DNAH3: variants seen among roughly 807,000 people sequenced by gnomAD.
DNAH3 encodes axonemal beta dynein heavy chain 3.
Under a neutral mutation model 432.5 loss-of-function variants are expected in DNAH3, and 332 were observed. That is an observed-to-expected ratio of 0.77 (90% CI 0.70 to 0.84). The LOEUF is 0.84. Ranked by LOEUF, DNAH3 falls within the 40% of genes least tolerant of loss-of-function variation. The pLI, the probability that DNAH3 is intolerant of heterozygous loss-of-function variation, is 0.00. For synonymous variants in DNAH3, 1,956 were observed against 1,900.2 expected, an observed-to-expected ratio of 1.03 and a Z score of -0.76; for missense variants, 4,861 against 5,114.0, an observed-to-expected ratio of 0.95 and a Z score of 1.51.
At chr16:21,152,561 G>A (rs1350045564) in intron 1 of DNAH3, among the ~76,000 whole-genome samples, 1 of 152,260 alleles carries the variant, frequency 6.6e-6, no homozygotes, top group African/African-American at 2.4e-5. Context: ...GGGCAAGGCC[G>A]AAGCCGGCTC....
rs528050319 is a variant in DNAH3 at position 21,100,925 on chromosome 16, CTATTAT to C, written c.2367-2162_2367-2157del. The stretch of plus-strand genomic sequence containing the variant: ...GCTCAGTGATTACCTTAAAATATTA[CTATTAT>C]TATTGTTTCTAATTTCTTATAATTG... On this transcript the variant is annotated intron_variant, in intron 16 of 61. Transcript: ENST00000261383. 1.1e-4 allele frequency among the ~76,000 whole-genome samples: 17 copies of C among 152,254 alleles called. No homozygotes were observed. The South Asian group carries it at 2.1e-3, about 19-fold the overall frequency.
At chr16:20,986,187 G>A (rs1163641129) in intron 47 of DNAH3, among the ~76,000 whole-genome samples, 1 of 150,808 alleles carries the variant, frequency 6.6e-6, no homozygotes, top group Non-Finnish European at 1.5e-5. Flanking sequence ...ATAATATGTG[G>A]ATTTCATGCT....
intron 1 of DNAH3, among the ~76,000 whole-genome samples, chr16:21,156,562 C>T (rs2092898783): frequency 1.3e-5 from 2 of 152,144 alleles, no homozygotes; most frequent in African/African-American, 4.8e-5. Context: ...TTTAGGAGGG[C>T]TTCACCTTCA....
chr16:20,980,260 T>TATTATAATATACATCA lies in DNAH3; in HGVS notation c.7860-715_7860-714insTGATGTATATTATAAT, dbSNP rs574543904. Among the ~76,000 whole-genome samples, 2 of 129,028 alleles carry TATTATAATATACATCA rather than the reference T, an allele frequency of 1.6e-5. 1 individual carries two copies. Among genetic ancestry groups the TATTATAATATACATCA allele is most frequent in the Non-Finnish European group, 3.3e-5 (2 of 60,332 alleles). The allele number at this position is 129,028 out of a possible 152,430, so 84.6% of individuals were successfully genotyped here. ...TTATATATATAATATACATCATATATTATATTATAATATACATCATATATT... is the reference window on the plus strand; with the variant it reads ...TTATATATATAATATACATCATATATATTATAATATACATCATATATTATAATATACATCATATATT... On this transcript the variant is annotated intron_variant, in intron 49 of 61. Transcript: ENST00000261383.
At position 21,104,665 on chromosome 16, in the gene DNAH3, TAGAC is replaced by T. The variant is rs1480255918; in HGVS notation, c.2285-117_2285-114del. 5.5e-5 allele frequency: 48 copies of T among 873,598 alleles called. No homozygotes were observed. In the East Asian group the frequency reaches 1.1e-3, roughly 20 times the overall value. 54.1% of individuals were successfully genotyped at this position (873,598 alleles called of 1,614,324 possible). ...TCGGGTCAGCATGTGGCGAATTAAT[TAGAC>T]AGAACAAGAGGTCAACAGGAGTGGT... On this transcript the variant is annotated intron_variant, in intron 15 of 61. Transcript: ENST00000261383.
intron 53 of DNAH3, among the ~76,000 whole-genome samples, chr16:20,961,171 A>T (rs1240747855): frequency 6.6e-6 from 1 of 152,224 alleles, no homozygotes; most frequent in East Asian, 1.9e-4. Context: ...TCTGTTACGA[A>T]CTGCATCGTG....
At chr16:20,979,456 G>T (rs2085753673) in exon 50 of DNAH3, 1 of 1,614,056 alleles carries the variant, frequency 6.2e-7, no homozygotes, top group Non-Finnish European at 8.5e-7. Context: ...AGGAGGTGGG[G>T]GTAACATAGT....
chr16:20,974,572 T>A (rs2085488642), intron 51 of DNAH3, among the ~76,000 whole-genome samples: 1 of 137,514 alleles, frequency 7.3e-6, no homozygotes, highest in African/African-American at 2.6e-5. Flanking sequence ...CCTGGCTGTT[T>A]TATAGTGTTT....
Position 21,062,547 on chromosome 16 carries a change from CCA to C in DNAH3, c.3653_3654del (p.Val1218GlyfsTer20), listed in dbSNP as rs1372186127. Reference sequence around the variant, plus strand: ...GTTTCTTTTTCCGAGCTGATCATGCCCACAATTTCCAGATTGTCTGTAAACTC... The same window carrying C: ...GTTTCTTTTTCCGAGCTGATCATGCCCAATTTCCAGATTGTCTGTAAACTC... On this transcript the variant is annotated frameshift_variant, in exon 25 of 62. Coordinates refer to ENST00000261383, the Ensembl canonical transcript of DNAH3. LOFTEE classifies it high-confidence loss of function. 6.2e-7 allele frequency: 1 copy of C among 1,614,138 alleles called. No homozygotes were observed. Among genetic ancestry groups the C allele is most frequent in the Non-Finnish European group, 8.5e-7 (1 of 1,180,028 alleles).
In DNAH3 at chr16:21,154,110, A is replaced by G; in HGVS notation, c.117+5215T>C. ...AGCAACTGTAATCCAATGAAGTGAA[A>G]AATTAGAATGGGGCCAGGCGCGGTG... is the stretch of plus-strand genomic sequence containing the variant. On this transcript the variant is annotated intron_variant, in intron 1 of 61. Coordinates refer to ENST00000261383, the Ensembl canonical transcript of DNAH3. Among the ~76,000 whole-genome samples the G allele has an allele frequency of 1.3e-5, 2 of 152,236 alleles. 1 individual carries two copies. Among genetic ancestry groups the G allele is most frequent in the Non-Finnish European group, 2.9e-5 (2 of 68,046 alleles).
exon 55 of DNAH3, chr16:20,955,021 T>C (rs2152596053): frequency 6.2e-7 from 1 of 1,612,976 alleles, no homozygotes; most frequent in South Asian, 1.1e-5. Flanking sequence ...GAATGCTGAC[T>C]GGAAACTTCT....
chr16:20,970,309 A>G (rs1421329097), intron 51 of DNAH3, among the ~76,000 whole-genome samples: 1 of 152,198 alleles, frequency 6.6e-6, no homozygotes, highest in Non-Finnish European at 1.5e-5. Context: ...GGATCACTTG[A>G]GGTCAGGAGT....
rs2356556 is a variant in DNAH3 at position 21,107,568 on chromosome 16, T to A, written c.2100-894A>T. Among the ~76,000 whole-genome samples the A allele has an allele frequency of 7.5e-3, 1,141 of 152,192 alleles. 7 individuals are homozygous for A. Among genetic ancestry groups the A allele is most frequent in the Middle Eastern group, 0.02 (6 of 294 alleles). ...ATCATTGCTTTTAACAGAACAACAGTAAGTTTATCCTCATGGGCTACAGGT... is the reference window on the plus strand; with the variant it reads ...ATCATTGCTTTTAACAGAACAACAGAAAGTTTATCCTCATGGGCTACAGGT... On this transcript the variant is annotated intron_variant, in intron 14 of 61. Coordinates refer to ENST00000261383, the Ensembl canonical transcript of DNAH3.
intron 1 of DNAH3, among the ~76,000 whole-genome samples, chr16:21,157,336 CTTTT>C (rs34449371): frequency 1.3e-4 from 14 of 111,856 alleles, no homozygotes; most frequent in Admixed American, 5.8e-4. Flanking sequence ...GTGATTGCTT[CTTTT>C]TTTTTTTTTT....
intron 44 of DNAH3, among the ~76,000 whole-genome samples, chr16:20,988,778 T>C (rs1024788914): frequency 6.6e-6 from 1 of 152,228 alleles, no homozygotes. Flanking sequence ...GTGTTACAGC[T>C]CTTAAGGTGG....
At chr16:21,116,455 GAGA>G (rs890815854) in intron 12 of DNAH3, among the ~76,000 whole-genome samples, 4 of 152,024 alleles carry the variant, frequency 2.6e-5, no homozygotes, top group East Asian at 1.9e-4. Flanking sequence ...CTGCTGCCAC[GAGA>G]AGAAGGATGT....
At chr16:21,123,496 T>C (rs2092386357) in intron 9 of DNAH3, among the ~76,000 whole-genome samples, 1 of 152,190 alleles carries the variant, frequency 6.6e-6, no homozygotes, top group Admixed American at 6.5e-5. Flanking sequence ...TTCTTATGCT[T>C]AGCAAAGTAG....
At chr16:20,970,029 G>A in intron 51 of DNAH3, 39 bp from the exon 52 acceptor site, 1 of 1,595,698 alleles carries the variant, frequency 6.3e-7, no homozygotes, top group South Asian at 1.1e-5. Context: ...GAGTGCCCAG[G>A]GCCTGGCACA....
At chr16:21,019,767 A>T in exon 41 of DNAH3, 2 of 1,614,166 alleles carry the variant, frequency 1.2e-6, no homozygotes, top group Non-Finnish European at 8.5e-7. Context: ...CACGGTCCAC[A>T]CCAAGGAAAA....
Sources: allele counts gnomAD v4.1 joint callset (sites outside exome capture counted in the v4.1 genomes callset), GRCh38; gene constraint gnomAD v4.1.1; transcripts MANE v1.5; gene names NCBI Gene and HGNC (gene_info 2026-07-23, HGNC 2026-07-21).